The following ATP8B4 variants were observed in gnomAD, a reference collection of about 807,000 sequenced individuals.
ATP8B4 encodes the protein probable phospholipid-transporting ATPase IM.
ATP8B4 carries 133 observed loss-of-function variants against 145.6 expected under a neutral mutation model. That is an observed-to-expected ratio of 0.91 (90% confidence interval 0.79 to 1.05). ATP8B4 has a LOEUF of 1.05. Among genes scored for constraint, ATP8B4 ranks in the 50% least tolerant of loss-of-function variants. The pLI, the probability that ATP8B4 is intolerant of heterozygous loss-of-function variation, is 0.00. For synonymous variants in ATP8B4, 507 were observed against 492.9 expected (o/e 1.03, Z -0.38); for missense variants, 1,458 against 1,425.2 (o/e 1.02, Z -0.37).
chr15:49,887,207 T>C (rs1359619475), intron 23 of ATP8B4, among the ~76,000 whole-genome samples: 1 of 152,040 alleles, frequency 6.6e-6, no homozygotes, highest in Non-Finnish European at 1.5e-5. Flanking sequence ...CCACTTCTAC[T>C]TGTGGTCCTT....
chr15:50,028,531 A>T (rs1257982936), intron 6 of ATP8B4, among the ~76,000 whole-genome samples: 2 of 152,122 alleles, frequency 1.3e-5, no homozygotes, highest in African/African-American at 4.8e-5. Flanking sequence ...CACATTCCTA[A>T]TGAGATGAGT....
intron 3 of ATP8B4, among the ~76,000 whole-genome samples, chr15:50,069,972 C>T (rs371297181): frequency 6.6e-6 from 1 of 152,124 alleles, no homozygotes; most frequent in African/African-American, 2.4e-5. Flanking sequence ...CTGAGCAAGT[C>T]ACTTAAGTGA....
chr15:49,917,850 C>G (rs2039897777), intron 19 of ATP8B4, among the ~76,000 whole-genome samples: 2 of 152,154 alleles, frequency 1.3e-5, no homozygotes, highest in South Asian at 4.2e-4. Context: ...GAAATTAAAG[C>G]TAAATAATAG....
chr15:50,075,131 G>A (rs961764830), intron 2 of ATP8B4, among the ~76,000 whole-genome samples: 17 of 152,288 alleles, frequency 1.1e-4, no homozygotes, highest in African/African-American at 3.8e-4. Flanking sequence ...TCTGAGTTTA[G>A]AGAAGGCACT....
chr15:50,018,389 T>C (rs1275831518), intron 6 of ATP8B4, among the ~76,000 whole-genome samples: 2 of 152,146 alleles, frequency 1.3e-5, no homozygotes, highest in African/African-American at 4.8e-5. Context: ...CCCTCTAATC[T>C]AGACACCATG....
At chr15:49,878,902 G>A (rs2034936240) in intron 24 of ATP8B4, among the ~76,000 whole-genome samples, 1 of 151,582 alleles carries the variant, frequency 6.6e-6, no homozygotes, top group African/African-American at 2.4e-5. Flanking sequence ...TTAGCCCCCT[G>A]TGTTCCAACC....
chr15:50,075,523 T>C (rs2054118520), intron 2 of ATP8B4, among the ~76,000 whole-genome samples: 1 of 152,218 alleles, frequency 6.6e-6, no homozygotes, highest in Non-Finnish European at 1.5e-5. Flanking sequence ...ACCACCTGCA[T>C]GGTTTCCCTC....
At chr15:50,035,477 G>A (rs1384857458) in intron 6 of ATP8B4, among the ~76,000 whole-genome samples, 2 of 152,108 alleles carry the variant, frequency 1.3e-5, no homozygotes, top group Non-Finnish European at 2.9e-5. Flanking sequence ...GAACTCTAAC[G>A]TAGACTCTTA....
chr15:50,005,250 T>C (rs1272785780), intron 7 of ATP8B4, among the ~76,000 whole-genome samples: 1 of 152,168 alleles, frequency 6.6e-6, no homozygotes, highest in Non-Finnish European at 1.5e-5. Context: ...AAAACAAATA[T>C]TCCCATCAGA....
intron 6 of ATP8B4, among the ~76,000 whole-genome samples, chr15:50,014,760 T>C (rs1483479807): frequency 6.6e-6 from 1 of 152,210 alleles, no homozygotes; most frequent in Admixed American, 6.5e-5. Context: ...TCTTATCTCA[T>C]TTAATCCTCA....
chr15:49,897,204 T>C (rs971206428), intron 23 of ATP8B4, 88 bp downstream of exon 23: 1 of 1,255,660 alleles, frequency 8.0e-7, no homozygotes, highest in Admixed American at 2.2e-5. Flanking sequence ...TCTGAATTTA[T>C]TAGTAAAGAG....
intron 1 of ATP8B4, among the ~76,000 whole-genome samples, chr15:50,174,803 T>C (rs539175431): frequency 6.6e-6 from 1 of 152,176 alleles, no homozygotes; most frequent in African/African-American, 2.4e-5. Context: ...ATTCTAAAAT[T>C]TATATGGAAC....
chr15:49,879,589 C>A (rs1007912875), intron 23 of ATP8B4, 130 bp from the exon 24 acceptor site: 34 of 734,112 alleles, frequency 4.6e-5, no homozygotes, highest in Non-Finnish European at 6.9e-5. Flanking sequence ...AATATGAATT[C>A]TTTCCTAGAC....
intron 5 of ATP8B4, among the ~76,000 whole-genome samples, chr15:50,041,286 G>A (rs745626970): frequency 6.6e-6 from 1 of 152,194 alleles, no homozygotes; most frequent in Non-Finnish European, 1.5e-5. Context: ...AATTACCTCT[G>A]GAGCTCATAG....
rs1350878753 is a variant in ATP8B4, at chr15:49,981,295, C to T, written c.749-1G>A. 4 of 1,595,660 alleles carry T rather than the reference C, an allele frequency of 2.5e-6. No homozygotes were observed. The highest frequency in any genetic ancestry group is 1.9e-4 in the Middle Eastern group (1 of 5,346). On this transcript the variant is annotated splice_acceptor_variant, in intron 10 of 27. Transcript: ENST00000284509. LOFTEE classifies it high-confidence loss of function. ...TTCTGCATTAGTTTAGTGTCAGGAC[C>T]TGCAAAAACAAAAAAAAGTAAATAA...
rs1213268645 is a variant in ATP8B4 at position 50,073,007 on chromosome 15, TATATATATATATACACAC to T, written c.87+1102_87+1119del. ...ATATATATATATATATATATATATA[TATATATATATATACACAC>T]ACACACACACACACACACACACACA... On this transcript the variant is annotated intron_variant, in intron 3 of 27. Transcript: ENST00000284509. Among the ~76,000 whole-genome samples, 209 of 55,448 alleles carry T rather than the reference TATATATATATATACACAC, an allele frequency of 3.8e-3. 13 individuals are homozygous for T. Among genetic ancestry groups the T allele is most frequent in the East Asian group, 9.5e-3 (14 of 1,468 alleles). 36.4% of individuals were successfully genotyped at this position (55,448 alleles called of 152,430 possible). A position where few individuals can be genotyped will look rare whatever the true frequency, so the allele number is the denominator to read the frequency against.
chr15:50,032,666 G>A (rs1262206838), intron 6 of ATP8B4, among the ~76,000 whole-genome samples: 1 of 152,318 alleles, frequency 6.6e-6, no homozygotes, highest in Non-Finnish European at 1.5e-5. Flanking sequence ...TACGTGAATT[G>A]TGAGATATGC....
intron 13 of ATP8B4, among the ~76,000 whole-genome samples, chr15:49,967,434 G>A (rs1466239689): frequency 1.3e-5 from 2 of 152,190 alleles, no homozygotes; most frequent in East Asian, 3.9e-4. Context: ...TAAGTGACCT[G>A]ATGGAGCTGA....
chr15:49,901,024 T>A, intron 21 of ATP8B4, 68 bp downstream of exon 21: 1 of 1,545,794 alleles, frequency 6.5e-7, no homozygotes, highest in Non-Finnish European at 8.8e-7. Flanking sequence ...GGTCTCATTA[T>A]GATAGCACAA....
Sources: allele counts gnomAD v4.1 joint callset (sites outside exome capture counted in the v4.1 genomes callset), GRCh38; gene constraint gnomAD v4.1.1; transcripts MANE v1.5; gene names NCBI Gene and HGNC (gene_info 2026-07-23, HGNC 2026-07-21).